Variants in PTPRM observed in about 807,000 individuals in gnomAD.
The protein encoded by PTPRM is receptor-type tyrosine-protein phosphatase mu.
A neutral mutation model predicts 186.7 loss-of-function variants in PTPRM; 47 were observed. The ratio of observed to expected loss-of-function variants is 0.25; its 90% confidence interval spans 0.20 to 0.32. PTPRM has a LOEUF of 0.32. PTPRM is among the 10% of genes least tolerant of loss of function. PTPRM has a pLI of 1.00. For missense variants in PTPRM, 1,494 were observed against 1,865.0 expected, an observed-to-expected ratio of 0.80 and a Z score of 3.66; for synonymous variants, 668 against 674.9, an observed-to-expected ratio of 0.99 and a Z score of 0.16.
intron 1 of PTPRM, among the ~76,000 whole-genome samples, chr18:7,686,750 C>G (rs959216132): frequency 6.6e-6 from 1 of 152,078 alleles, no homozygotes; most frequent in African/African-American, 2.4e-5. Flanking sequence ...TGAAAAAAAC[C>G]TCTGTATCTA....
chr18:7,616,770 C>G (rs1446093302), intron 1 of PTPRM, among the ~76,000 whole-genome samples: 2 of 152,126 alleles, frequency 1.3e-5, no homozygotes, highest in East Asian at 3.9e-4. Context: ...TCCTCTGGTC[C>G]CCATCCTGCC....
intron 2 of PTPRM, among the ~76,000 whole-genome samples, chr18:7,808,598 T>A (rs555055232): frequency 6.6e-6 from 1 of 152,340 alleles, no homozygotes. Context: ...AGCCTGAATT[T>A]GGTGACATAC....
At chr18:7,737,350 CT>C (rs2040793258) in intron 1 of PTPRM, among the ~76,000 whole-genome samples, 2 of 152,210 alleles carry the variant, frequency 1.3e-5, no homozygotes, top group Non-Finnish European at 2.9e-5. Flanking sequence ...CTGCCTCGGC[CT>C]CCCAAAGTGC....
rs543113904 is a variant in PTPRM at position 7,650,010 on chromosome 18, C to G, written c.73+82119C>G. On this transcript the variant is annotated intron_variant, in intron 1 of 32. Transcript: ENST00000580170. ...AGTGTAAACATAACTTTTATATGCA[C>G]TGGGAAACAAAACAAAATTATGTGA... Among the ~76,000 whole-genome samples the G allele has an allele frequency of 6.6e-5, 10 of 152,138 alleles. No individual in the cohort carries two copies. The South Asian group carries it at 1.9e-3, about 28-fold the overall frequency.
At chr18:7,766,344 A>C (rs948543597) in intron 1 of PTPRM, among the ~76,000 whole-genome samples, 1 of 152,256 alleles carries the variant, frequency 6.6e-6, no homozygotes, top group Non-Finnish European at 1.5e-5. Flanking sequence ...GAGATGGGTT[A>C]GTACAAGCTA....
chr18:8,017,256 AG>A (rs1238749968), intron 7 of PTPRM, among the ~76,000 whole-genome samples: 2 of 152,102 alleles, frequency 1.3e-5, no homozygotes, highest in Non-Finnish European at 2.9e-5. Flanking sequence ...TAAAAATATT[AG>A]GCCAGGCGTG....
intron 14 of PTPRM, among the ~76,000 whole-genome samples, chr18:8,147,089 C>T (rs974534791): frequency 2.0e-5 from 3 of 152,148 alleles, no homozygotes; most frequent in Non-Finnish European, 4.4e-5. Context: ...AGCATGATGC[C>T]TCCAGTTTTG....
At chr18:7,621,386 C>G (rs894941103) in intron 1 of PTPRM, among the ~76,000 whole-genome samples, 2 of 151,700 alleles carry the variant, frequency 1.3e-5, no homozygotes, top group African/African-American at 4.8e-5. Context: ...TAGCCCTGCC[C>G]CCACACATGC....
At chr18:8,307,972 G>T (rs1252845219) in intron 20 of PTPRM, among the ~76,000 whole-genome samples, 1 of 152,142 alleles carries the variant, frequency 6.6e-6, no homozygotes, top group African/African-American at 2.4e-5. Context: ...AGGATATCAG[G>T]GACCAGAGTG....
intron 1 of PTPRM, among the ~76,000 whole-genome samples, chr18:7,679,656 C>A (rs2039433637): frequency 6.6e-6 from 1 of 151,962 alleles, no homozygotes; most frequent in Non-Finnish European, 1.5e-5. Context: ...CAGAGTGAGA[C>A]TCTGTCTCAA....
chr18:8,208,841 A>G (rs2093964364), intron 14 of PTPRM, among the ~76,000 whole-genome samples: 1 of 152,202 alleles, frequency 6.6e-6, no homozygotes, highest in Admixed American at 6.5e-5. Context: ...CGTGATTCAT[A>G]AAGAGGAAGG....
intron 2 of PTPRM, among the ~76,000 whole-genome samples, chr18:7,790,130 G>A (rs2043271307): frequency 6.6e-6 from 1 of 152,146 alleles, no homozygotes; most frequent in South Asian, 2.1e-4. Flanking sequence ...GTCAGGTTTT[G>A]CAAATGAGCT....
chr18:8,370,189 C>CAA lies in PTPRM; in HGVS notation c.3055-685_3055-684dup, dbSNP rs11288424. On this transcript the variant is annotated intron_variant, in intron 23 of 32. Coordinates refer to ENST00000580170, the MANE Select transcript of PTPRM (RefSeq NM_001105244.2). ...TTGATGTCTAGAAAAACATTCTTAC[C>CAA]AAAAAAAAAAAAAAAAATACAATTT... Among the ~76,000 whole-genome samples the CAA allele has an allele frequency of 4.2e-3, 511 of 121,848 alleles. 6 individuals carry two copies. The highest frequency in any genetic ancestry group is 0.015 in the African/African-American group (469 of 30,686). 79.9% of individuals were successfully genotyped at this position (121,848 alleles called of 152,430 possible).
intron 7 of PTPRM, among the ~76,000 whole-genome samples, chr18:8,057,425 C>CTTTTT (rs763829289): frequency 3.9e-5 from 4 of 102,536 alleles, no homozygotes; most frequent in African/African-American, 8.5e-5. Context: ...TGTGATACTT[C>CTTTTT]TTTTTTTTTT....
At chr18:7,772,452 T>C (rs1423293981) in intron 1 of PTPRM, among the ~76,000 whole-genome samples, 2 of 28,326 alleles carry the variant, frequency 7.1e-5, no homozygotes, top group Non-Finnish European at 1.6e-4. Context: ...TCCCCTTCCT[T>C]CCTTCCTTCC....
At chr18:7,739,087 C>A (rs925056826) in intron 1 of PTPRM, among the ~76,000 whole-genome samples, 2 of 152,046 alleles carry the variant, frequency 1.3e-5, no homozygotes, top group African/African-American at 4.8e-5. Flanking sequence ...ACAATCTGAT[C>A]GAGAAGTGGT....
chr18:7,706,329 G>A (rs2144746378), intron 1 of PTPRM, among the ~76,000 whole-genome samples: 1 of 151,848 alleles, frequency 6.6e-6, no homozygotes, highest in Middle Eastern at 3.4e-3. Context: ...CAGTTATGAT[G>A]GTTCACATCT....
chr18:8,009,517 G>A (rs1358095672), intron 7 of PTPRM, among the ~76,000 whole-genome samples: 1 of 152,096 alleles, frequency 6.6e-6, no homozygotes, highest in Non-Finnish European at 1.5e-5. Context: ...AGGCCAGCCT[G>A]ACCAATGTGG....
At chr18:8,098,532 A>T (rs1412945662) in intron 11 of PTPRM, among the ~76,000 whole-genome samples, 1 of 152,204 alleles carries the variant, frequency 6.6e-6, no homozygotes, top group Non-Finnish European at 1.5e-5. Context: ...ATCCCTAAAT[A>T]AAAGTTAAAT....
Sources: gnomAD v4.1 joint callset for allele counts (sites outside exome capture counted in the v4.1 genomes callset) on GRCh38, gnomAD v4.1.1 for gene constraint, MANE v1.5 for transcripts, NCBI Gene and HGNC (gene_info 2026-07-23, HGNC 2026-07-21) for gene names.